The following MYBPC3 variants were observed in gnomAD, a reference collection of about 807,000 sequenced individuals.
MYBPC3 encodes the protein myosin-binding protein C, cardiac-type.
A neutral mutation model predicts 159.3 loss-of-function variants in MYBPC3; 108 were observed. The ratio of observed to expected loss-of-function variants is 0.68; its 90% CI spans 0.58 to 0.80. MYBPC3 has a LOEUF of 0.80. Among genes scored for constraint, MYBPC3 ranks in the 30% least tolerant of loss-of-function variants. The pLI is 0.00. For missense variants in MYBPC3, 1,631 were observed against 1,762.1 expected (o/e 0.93, Z 1.33); for synonymous variants, 730 against 702.0 (o/e 1.04, Z -0.63).
chr11:47,352,578 C>T (rs368104846), intron 1 of MYBPC3, 45 bp downstream of exon 1: 3 of 1,595,222 alleles, frequency 1.9e-6, no homozygotes. Flanking sequence ...ATTGTAGACA[C>T]CCCCCTGCTC....
chr11:47,347,610 G>T, intron 8 of MYBPC3, 41 bp downstream of exon 8: 1 of 1,566,428 alleles, frequency 6.4e-7, no homozygotes, highest in South Asian at 1.2e-5. Context: ...AGACCCCTGG[G>T]GGTCTGCGGA....
intron 5 of MYBPC3, among the ~76,000 whole-genome samples, chr11:47,349,530 T>C (rs1029302569): frequency 6.9e-6 from 1 of 145,454 alleles, no homozygotes; most frequent in African/African-American, 2.5e-5. Context: ...GAGGTGATCA[T>C]GTCCACCAAG....
At chr11:47,350,671 C>T (rs1328848856) in intron 2 of MYBPC3, 56 bp from the exon 3 acceptor site, 2 of 1,418,284 alleles carry the variant, frequency 1.4e-6, no homozygotes, top group Non-Finnish European at 1.8e-6. Flanking sequence ...ACCCCTCCAC[C>T]CTCTCTCTCC....
intron 26 of MYBPC3, 52 bp from the exon 27 acceptor site, chr11:47,335,261 C>T (rs2095881172): frequency 3.6e-6 from 5 of 1,377,476 alleles, no homozygotes; most frequent in Non-Finnish European, 4.9e-6. Context: ...CCACTGACAC[C>T]CCACTCCCAC....
chr11:47,343,173 G>A, intron 14 of MYBPC3, 28 bp from the exon 15 acceptor site: 1 of 1,603,388 alleles, frequency 6.2e-7, no homozygotes, highest in Non-Finnish European at 8.5e-7. Context: ...GGAAGTGGCA[G>A]GAAAGCTGCG....
At chr11:47,341,765 T>A (rs1304243838) in intron 18 of MYBPC3, among the ~76,000 whole-genome samples, 2 of 152,206 alleles carry the variant, frequency 1.3e-5, no homozygotes, top group African/African-American at 4.8e-5. Context: ...TCCCTGTGCA[T>A]ATCTTTCTGT....
In MYBPC3 at chr11:47,343,554, C is replaced by T; in HGVS notation, c.1161G>A (p.Leu387=). The change falls in exon 13 of 35, where the codon CTG becomes CTA. Residue 387 remains leucine (L), a synonymous_variant. Coordinates refer to ENST00000545968, the MANE Select transcript of MYBPC3 (RefSeq NM_000256.3). ...KGHKIRLTVE[L]ADHDAEVKWL... ...ATTTGACCTCAGCGTCATGGTCAGC[C>T]AGTTCCACGGTCAGCCGGATCTTGT... 2 of 1,612,508 alleles carry T rather than the reference C, an allele frequency of 1.2e-6. No individual in the cohort carries two copies. Among genetic ancestry groups the T allele is most frequent in the Non-Finnish European group, 1.7e-6 (2 of 1,179,406 alleles).
intron 12 of MYBPC3, among the ~76,000 whole-genome samples, chr11:47,345,351 G>A (rs989075917): frequency 1.3e-5 from 2 of 152,240 alleles, no homozygotes; most frequent in African/African-American, 4.8e-5. Context: ...CAGTGAGGCT[G>A]AGACAACAGG....
At chr11:47,349,272 A>AG (rs921624472) in intron 5 of MYBPC3, among the ~76,000 whole-genome samples, 1 of 152,110 alleles carries the variant, frequency 6.6e-6, no homozygotes, top group African/African-American at 2.4e-5. Context: ...TTAAGGTTCT[A>AG]GGCCTATGTC....
intron 20 of MYBPC3, among the ~76,000 whole-genome samples, chr11:47,340,186 G>C (rs1339793010): frequency 2.1e-5 from 3 of 146,292 alleles, no homozygotes; most frequent in African/African-American, 8.1e-5. Flanking sequence ...TGCACACACA[G>C]ACACACACAT....
In MYBPC3 at chr11:47,339,675, C is replaced by T. The variant is rs1252442985; in HGVS notation, c.2043G>A (p.Val681=). The change falls in exon 21 of 35, where the codon GTG becomes GTA. Residue 681 remains valine (V), a synonymous_variant. Coordinates refer to ENST00000545968, the MANE Select transcript of MYBPC3 (RefSeq NM_000256.3). Reference sequence around the variant, plus strand: ...CCTGCGTGATAGCCTTCTGCCAGATCACAGTGGGAGCAGGGTCCCCAGAGA... The same window carrying T: ...CCTGCGTGATAGCCTTCTGCCAGATTACAGTGGGAGCAGGGTCCCCAGAGA... ...VPISGDPAPT[V]IWQKAITQGN... is the part of the protein sequence containing the mutation. The T allele has an allele frequency of 6.2e-7, 1 of 1,609,524 alleles. No homozygotes were observed. Among genetic ancestry groups the T allele is most frequent in the Admixed American group, 1.7e-5 (1 of 59,232 alleles).
chr11:47,336,004 G>T lies in MYBPC3; in HGVS notation c.2610C>A (p.Pro870=). 6.6e-7 allele frequency: 1 copy of T among 1,518,342 alleles called. No homozygotes were observed. Among genetic ancestry groups the T allele is most frequent in the Non-Finnish European group, 8.8e-7 (1 of 1,130,948 alleles). 94.1% of individuals were successfully genotyped at this position (1,518,342 alleles called of 1,614,324 possible). Residue 870 remains proline, a synonymous_variant, in exon 26 of 35, where the codon CCC becomes CCA. Transcript: ENST00000545968. The part of the protein sequence containing the change: ...ASQPFMPIGP[P]SEPTHLAVED... ...CTACTGCCAGGTGGGTGGGTTCGCTGGGGGGACCTGGGCAGAGGAGAGGTC... is the reference window on the plus strand; with the variant it reads ...CTACTGCCAGGTGGGTGGGTTCGCTTGGGGGACCTGGGCAGAGGAGAGGTC...
chr11:47,338,804 C>T lies in MYBPC3; in HGVS notation c.2149-125G>A, dbSNP rs148060148. ...ACAGCCTGTGGGAAGACTGCATCCACGTCAGCATCTAGTTCAAAATCATCT... is the reference window on the plus strand; with the variant it reads ...ACAGCCTGTGGGAAGACTGCATCCATGTCAGCATCTAGTTCAAAATCATCT... On this transcript the variant is annotated intron_variant, in intron 22 of 34. Transcript: ENST00000545968. The surrounding 1 kb of genome is among the most constrained non-coding windows in gnomAD (Gnocchi z 4.7). 4,248 of 1,179,316 alleles carry T rather than the reference C, an allele frequency of 3.6e-3. 11 individuals are homozygous for T. Among genetic ancestry groups the T allele is most frequent in the Admixed American group, 5.5e-3 (199 of 36,358 alleles). 73.1% of individuals were successfully genotyped at this position (1,179,316 alleles called of 1,614,324 possible).
At chr11:47,336,285 C>T (rs2095882182) in intron 25 of MYBPC3, 1 of 244,492 alleles carries the variant, frequency 4.1e-6, no homozygotes, top group Admixed American at 5.6e-5. Context: ...GTCAGGAGTT[C>T]AAGACCAGCC....
At position 47,346,793 on chromosome 11, in the gene MYBPC3, G is replaced by T. The variant is rs2095894769; in HGVS notation, c.909-149C>A. On this transcript the variant is annotated intron_variant, in intron 10 of 34. Coordinates refer to ENST00000545968, the MANE Select transcript of MYBPC3 (RefSeq NM_000256.3). This position sits in a 1 kb window ranked among gnomAD's most constrained non-coding sequence, Gnocchi z 5.3. ...CCCTGTGTTGTGGGGCACCCATGCT[G>T]CTCCGGAGGCTCTGGCAGGACCTCC... is the stretch of plus-strand genomic sequence containing the variant. The T allele has an allele frequency of 1.2e-6, 1 of 856,196 alleles. No homozygotes were observed. The highest frequency in any genetic ancestry group is 1.7e-5 in the African/African-American group (1 of 59,310). 53.0% of individuals were successfully genotyped at this position (856,196 alleles called of 1,614,324 possible).
At position 47,332,166 on chromosome 11, in the gene MYBPC3, A is replaced by G. The variant is rs751092574; in HGVS notation, c.3720T>C (p.Ile1240=). 4.3e-6 allele frequency: 7 copies of G among 1,613,784 alleles called. No individual in the cohort carries two copies. The East Asian group carries it at 1.1e-4, about 26-fold the overall frequency. The change falls in exon 33 of 35, where the codon ATT becomes ATC. Residue 1240 remains isoleucine, a synonymous_variant. Coordinates refer to ENST00000545968, the MANE Select transcript of MYBPC3 (RefSeq NM_000256.3). The surrounding 1 kb of genome is among the most constrained non-coding windows in gnomAD (Gnocchi z 4.2). The part of the protein sequence containing the change: ...FSKQGVLTLE[I]RKPCPFDGGI... The stretch of plus-strand genomic sequence containing the variant: ...CCCCGTCAAAGGGGCAGGGCTTTCT[A>G]ATCTCCAGAGTCAACACTCCCTGCT...
Position 47,332,568 on chromosome 11 carries a change from TG to T in MYBPC3, c.3624del (p.Lys1209SerfsTer28), listed in dbSNP as rs397516029. 2 of 1,605,576 alleles carry T rather than the reference TG, an allele frequency of 1.2e-6. No individual in the cohort carries two copies. The highest frequency in any genetic ancestry group is 2.2e-5 in the East Asian group (1 of 44,678). ...AMLCCAVRGSPKPKISWFKNG... is the reference protein window; with the variant it reads ...AMLCCAVRGSXKPKISWFKNG... ...GACCAGCGCCTAAAGTTCCCTACCT[TG>T]GGGCTACCCCGGACAGCACAGCAGA... is the stretch of plus-strand genomic sequence containing the variant. On this transcript the variant is annotated frameshift_variant, in exon 32 of 35. Coordinates refer to ENST00000545968, the MANE Select transcript of MYBPC3 (RefSeq NM_000256.3). LOFTEE classifies it high-confidence loss of function. The surrounding 1 kb of genome is among the most constrained non-coding windows in gnomAD (Gnocchi z 4.2).
intron 25 of MYBPC3, chr11:47,336,500 A>T (rs904004739): frequency 9.1e-5 from 10 of 110,290 alleles, no homozygotes; most frequent in African/African-American, 3.0e-4. Context: ...AAAAAAAAAA[A>T]AAAAAAAAAA....
chr11:47,344,359 G>A (rs908716795), intron 12 of MYBPC3, among the ~76,000 whole-genome samples: 19 of 152,222 alleles, frequency 1.2e-4, no homozygotes, highest in African/African-American at 4.3e-4. Context: ...GGGCCAGTGC[G>A]GTGGTCCCCA....
Sources: allele counts gnomAD v4.1 joint callset (sites outside exome capture counted in the v4.1 genomes callset), GRCh38; gene constraint gnomAD v4.1.1; non-coding constraint Gnocchi (gnomAD v3.1); transcripts MANE v1.5; gene names NCBI Gene and HGNC (gene_info 2026-07-23, HGNC 2026-07-21).